The following PTP4A3 variants were observed in gnomAD, a reference collection of about 807,000 sequenced individuals.
The protein encoded by PTP4A3 is protein tyrosine phosphatase 4A3.
A neutral mutation model predicts 15.2 loss-of-function variants in PTP4A3; 9 were observed. The observed-to-expected ratio is 0.59, with a 90% CI of 0.36 to 1.03. PTP4A3 has a LOEUF of 1.03. Ranked by LOEUF, PTP4A3 falls within the 50% of genes least tolerant of loss-of-function variation. PTP4A3 has a pLI of 0.02. For synonymous variants in PTP4A3, 95 were observed against 102.0 expected, an observed-to-expected ratio of 0.93 and a Z score of 0.41; for missense variants, 234 against 252.1, an observed-to-expected ratio of 0.93 and a Z score of 0.49.
chr8:141,401,749 G>A (rs532135670), intron 1 of PTP4A3, among the ~76,000 whole-genome samples: 2 of 152,320 alleles, frequency 1.3e-5, no homozygotes, highest in African/African-American at 4.8e-5. Flanking sequence ...GATAGCATGC[G>A]GGGGCAGGGA....
At chr8:141,404,864 A>T (rs1379479347) in intron 1 of PTP4A3, among the ~76,000 whole-genome samples, 1 of 152,138 alleles carries the variant, frequency 6.6e-6, no homozygotes, top group East Asian at 1.9e-4. Flanking sequence ...GCCTTTACAT[A>T]TAAAGGGCAT....
intron 1 of PTP4A3, among the ~76,000 whole-genome samples, chr8:141,410,031 C>G (rs1469177678): frequency 3.3e-5 from 5 of 152,270 alleles, no homozygotes; most frequent in Admixed American, 2.6e-4. Context: ...TGGGGACATA[C>G]AGCCTGGGTC....
intron 1 of PTP4A3, among the ~76,000 whole-genome samples, chr8:141,394,755 G>A (rs1291981384): frequency 6.6e-6 from 1 of 152,272 alleles, no homozygotes; most frequent in African/African-American, 2.4e-5. Flanking sequence ...CATAGGCAGG[G>A]ACCTGGGCAA....
chr8:141,415,954 G>A (rs192108692), intron 1 of PTP4A3, among the ~76,000 whole-genome samples: 43 of 152,056 alleles, frequency 2.8e-4, no homozygotes, highest in African/African-American at 8.9e-4. Flanking sequence ...ACTTGGGCCC[G>A]CTCTGGGAGG....
At chr8:141,399,461 C>A (rs1250278601) in intron 1 of PTP4A3, among the ~76,000 whole-genome samples, 2 of 152,222 alleles carry the variant, frequency 1.3e-5, no homozygotes, top group East Asian at 3.9e-4. Context: ...GGCTGCCCCT[C>A]CCCTCGGTGG....
chr8:141,415,125 G>C (rs1216677480), intron 1 of PTP4A3, among the ~76,000 whole-genome samples: 1 of 152,120 alleles, frequency 6.6e-6, no homozygotes, highest in African/African-American at 2.4e-5. Flanking sequence ...TGAGCCCAGG[G>C]CTGCCACCTG....
At chr8:141,404,031 C>T (rs1235581319) in intron 1 of PTP4A3, among the ~76,000 whole-genome samples, 1 of 152,272 alleles carries the variant, frequency 6.6e-6, no homozygotes, top group African/African-American at 2.4e-5. Context: ...CATCCCCTCT[C>T]GGGGCACACT....
chr8:141,399,355 C>T (rs769737319), intron 1 of PTP4A3, among the ~76,000 whole-genome samples: 38 of 152,182 alleles, frequency 2.5e-4, no homozygotes, highest in African/African-American at 3.1e-4. Flanking sequence ...CCCTTCCTCC[C>T]GGGCTTTGCT....
In PTP4A3 at chr8:141,422,358, G is replaced by T. The variant is rs201900679; in HGVS notation, c.105+13G>T. The T allele has an allele frequency of 6.2e-7, 1 of 1,613,200 alleles. No homozygotes were observed. The highest frequency in any genetic ancestry group is 8.5e-7 in the Non-Finnish European group (1 of 1,179,874). ...CACCTTCATTGAGGTGAGTGGAGAC[G>T]GAGGTGTGGCAGGCAGGTGGCCCAG... On this transcript the variant is annotated intron_variant, in intron 2 of 5. Transcript: ENST00000521578.
chr8:141,392,255 G>A (rs1832301812), intron 1 of PTP4A3, among the ~76,000 whole-genome samples, 171 bp downstream of exon 1: 1 of 151,836 alleles, frequency 6.6e-6, no homozygotes, highest in African/African-American at 2.4e-5. Flanking sequence ...CCCTGCGCCT[G>A]GCGGCCGATC....
rs1833555753 is a variant in PTP4A3, at chr8:141,425,889, C to G, written c.198+749C>G. Among the ~76,000 whole-genome samples the G allele has an allele frequency of 6.6e-6, 1 of 152,194 alleles. No homozygotes were observed. Reference sequence around the variant, plus strand: ...GTCAGACAGGCCTTGGGCTGCGTCCCGCCTCTGCCCTCCCCAGCCTTGCGA... The same window carrying G: ...GTCAGACAGGCCTTGGGCTGCGTCCGGCCTCTGCCCTCCCCAGCCTTGCGA... On this transcript the variant is annotated intron_variant, in intron 3 of 5. Coordinates refer to ENST00000521578, the MANE Select transcript of PTP4A3 (RefSeq NM_032611.3). This position sits in a 1 kb window ranked among gnomAD's most constrained non-coding sequence, Gnocchi z 4.2.
Position 141,425,626 on chromosome 8 carries a change from G to A in PTP4A3, c.198+486G>A, listed in dbSNP as rs370738673. On this transcript the variant is annotated intron_variant, in intron 3 of 5. Transcript: ENST00000521578. This position sits in a 1 kb window ranked among gnomAD's most constrained non-coding sequence, Gnocchi z 4.2. ...GGCGGTTCTGCTGCGATATCCTTGG[G>A]GGGGTGGGCCACAGCAGCTGCAGGC... is the stretch of plus-strand genomic sequence containing the variant. Among the ~76,000 whole-genome samples the A allele has an allele frequency of 6.6e-6, 1 of 151,642 alleles. No individual in the cohort carries two copies. The highest frequency in any genetic ancestry group is 2.4e-5 in the African/African-American group (1 of 41,312).
chr8:141,427,702 CAG>C (rs111487902), intron 4 of PTP4A3, 46 bp from the exon 5 acceptor site: 211 of 1,499,360 alleles, frequency 1.4e-4, no homozygotes, highest in Middle Eastern at 1.0e-3. Flanking sequence ...GCCAAGGGGA[CAG>C]GGGTGCGCAG....
Position 141,425,276 on chromosome 8 carries a change from G to A in PTP4A3, c.198+136G>A, listed in dbSNP as rs1008532090. On this transcript the variant is annotated intron_variant, in intron 3 of 5. Transcript: ENST00000521578. This position sits in a 1 kb window ranked among gnomAD's most constrained non-coding sequence, Gnocchi z 4.2. ...GCATGTCTGTGCCTGGGCCACGTGT[G>A]TGTCTGGGTACATCAAGGGAAGGCC... 1.2e-6 allele frequency: 1 copy of A among 869,328 alleles called. No individual in the cohort carries two copies. Among genetic ancestry groups the A allele is most frequent in the Middle Eastern group, 3.4e-4 (1 of 2,968 alleles). 53.9% of individuals were successfully genotyped at this position (869,328 alleles called of 1,614,324 possible).
intron 1 of PTP4A3, among the ~76,000 whole-genome samples, chr8:141,398,457 C>A (rs541846116): frequency 3.9e-5 from 6 of 152,286 alleles, no homozygotes; most frequent in African/African-American, 1.4e-4. Flanking sequence ...TGACTCCCAT[C>A]CTGGGGCATG....
chr8:141,427,199 G>C, intron 4 of PTP4A3, 130 bp downstream of exon 4: 1 of 1,333,570 alleles, frequency 7.5e-7, no homozygotes, highest in African/African-American at 1.5e-5. Context: ...CATGCCCCTA[G>C]TGCTGGGGCT....
intron 4 of PTP4A3, 112 bp from the exon 5 acceptor site, chr8:141,427,638 G>C (rs1332703472): frequency 9.0e-6 from 8 of 888,654 alleles, no homozygotes; most frequent in African/African-American, 1.7e-5. Flanking sequence ...CTTCAGGCAG[G>C]GGGGATTCTG....
intron 1 of PTP4A3, among the ~76,000 whole-genome samples, chr8:141,411,203 G>A (rs979552157): frequency 6.6e-5 from 10 of 152,204 alleles, no homozygotes; most frequent in South Asian, 4.1e-4. Flanking sequence ...TTTCAGGGAC[G>A]AGGTCTGGTT....
intron 1 of PTP4A3, among the ~76,000 whole-genome samples, chr8:141,415,413 C>T (rs911163938): frequency 2.0e-5 from 3 of 151,458 alleles, no homozygotes; most frequent in Non-Finnish European, 4.4e-5. Flanking sequence ...GCCCTGTCCC[C>T]CGTGGGCCCC....
Sources: gnomAD v4.1 joint callset for allele counts (sites outside exome capture counted in the v4.1 genomes callset) on GRCh38, gnomAD v4.1.1 for gene constraint, Gnocchi (gnomAD v3.1) non-coding constraint, MANE v1.5 for transcripts, NCBI Gene and HGNC (gene_info 2026-07-23, HGNC 2026-07-21) for gene names.